The following P3H2 variants were observed in gnomAD, a reference collection of about 807,000 sequenced individuals.
The protein encoded by P3H2 is leprecan-like 1.
In P3H2, 80 loss-of-function variants were observed where a neutral mutation model predicts 87.0. The ratio of observed to expected loss-of-function variants is 0.92; its 90% confidence interval spans 0.77 to 1.11. The LOEUF is 1.11. Among genes scored for constraint, P3H2 ranks in the 50% least tolerant of loss-of-function variants. The pLI, the probability that P3H2 is intolerant of heterozygous loss-of-function variation, is 0.00. For missense variants in P3H2, 1,001 were observed against 923.9 expected (o/e 1.08, Z -1.08); for synonymous variants, 367 against 359.3 (o/e 1.02, Z -0.24).
intron 13 of P3H2, among the ~76,000 whole-genome samples, chr3:189,965,811 C>A (rs569854639): frequency 1.6e-4 from 25 of 151,950 alleles, no homozygotes; most frequent in Admixed American, 1.2e-3. Flanking sequence ...CATGGTGAAA[C>A]CCCGTCTCTA....
rs562015763 is a variant in P3H2 at position 190,120,582 on chromosome 3, G to A, written c.150C>T (p.Ser50=). The A allele has an allele frequency of 1.2e-4, 181 of 1,541,798 alleles. 4 individuals are homozygous for A. The South Asian group carries it at 2.1e-3, about 18-fold the overall frequency. The change falls in exon 1 of 15, where the codon AGC becomes AGT. Residue 50 remains serine (S), a synonymous_variant. Coordinates refer to ENST00000319332, the MANE Select transcript of P3H2 (RefSeq NM_018192.4). ...CTCCGCTGTAGTAGGCGGCCGCGCC[G>A]CTGGCGTAGAGCAGGTCGAAGGGCT... ...PLQPFDLLYA[S]GAAAYYSGDY... is the part of the protein sequence containing the mutation.
intron 1 of P3H2, among the ~76,000 whole-genome samples, chr3:190,021,073 A>G (rs1403553103): frequency 1.5e-5 from 2 of 134,880 alleles, no homozygotes; most frequent in Non-Finnish European, 3.3e-5. Flanking sequence ...ACACCAGGCT[A>G]GAGTCCTCTA....
intron 1 of P3H2, among the ~76,000 whole-genome samples, chr3:190,089,381 A>C (rs964770040): frequency 2.0e-5 from 3 of 152,248 alleles, no homozygotes; most frequent in Admixed American, 6.5e-5. Flanking sequence ...AAAAAGAGAA[A>C]GAAAATTCAT....
chr3:190,120,768 A>G lies in P3H2; in HGVS notation c.-37T>C, dbSNP rs1451385478. 4 of 1,512,430 alleles carry G rather than the reference A, an allele frequency of 2.6e-6. No homozygotes were observed. Among genetic ancestry groups the G allele is most frequent in the Admixed American group, 4.1e-5 (2 of 49,058 alleles). The allele number at this position is 1,512,430 out of a possible 1,614,324, so 93.7% of individuals were successfully genotyped here. A position where few individuals can be genotyped will look rare whatever the true frequency, so the allele number is the denominator to read the frequency against. On this transcript the variant is annotated 5_prime_UTR_variant, in exon 1 of 15. Transcript: ENST00000319332. ...GAGAGGCGCGGGACGGTTACGCTCG[A>G]GAGGGCTTCGGGGCACCTCGCGTCC...
chr3:189,972,925 A>T lies in P3H2; in HGVS notation c.1648T>A (p.Ser550Thr). 6.2e-7 allele frequency: 1 copy of T among 1,614,114 alleles called. No homozygotes were observed. Among genetic ancestry groups the T allele is most frequent in the South Asian group, 1.1e-5 (1 of 91,080 alleles). The stretch of plus-strand genomic sequence containing the variant: ...TGTGTATAGGAAAAATACAGAGTTG[A>T]GTTCAGCATAAAATAAGATTCTACA... ...RIVESYFMLN[S>T]TLYFSYTHMV... Residue 550 changes from serine to threonine, a missense_variant, in exon 11 of 15, where the codon TCA becomes ACA. Transcript: ENST00000319332.
intron 1 of P3H2, among the ~76,000 whole-genome samples, chr3:190,032,849 T>G: frequency 6.6e-6 from 1 of 151,632 alleles, no homozygotes; most frequent in African/African-American, 2.4e-5. Context: ...TGTGAGGAGG[T>G]AGGGTAGGGC....
intron 3 of P3H2, among the ~76,000 whole-genome samples, chr3:189,989,855 T>A (rs1021051061): frequency 1.3e-5 from 2 of 152,154 alleles, no homozygotes; most frequent in African/African-American, 4.8e-5. Flanking sequence ...CTCTATTTTA[T>A]CAAAGCCTGA....
At chr3:190,052,863 C>T (rs1003505863) in intron 1 of P3H2, among the ~76,000 whole-genome samples, 1 of 152,142 alleles carries the variant, frequency 6.6e-6, no homozygotes, top group African/African-American at 2.4e-5. Context: ...TGAATATATC[C>T]ACTCTCCCTA....
At chr3:190,080,400 CT>C (rs1354334691) in intron 1 of P3H2, among the ~76,000 whole-genome samples, 1 of 151,802 alleles carries the variant, frequency 6.6e-6, no homozygotes, top group African/African-American at 2.4e-5. Flanking sequence ...TTTTCTTTTT[CT>C]TTTCCTTTTT....
intron 1 of P3H2, among the ~76,000 whole-genome samples, chr3:190,024,548 A>G (rs1413903999): frequency 6.6e-6 from 1 of 151,064 alleles, no homozygotes; most frequent in Non-Finnish European, 1.5e-5. Flanking sequence ...AAAAAAAAAA[A>G]AAAAAGAAAG....
chr3:190,002,402 T>G (rs1248124010), intron 1 of P3H2, among the ~76,000 whole-genome samples: 1 of 150,846 alleles, frequency 6.6e-6, no homozygotes, highest in East Asian at 1.9e-4. Context: ...TTCTTTTTTC[T>G]TTTCTTTTTT....
intron 1 of P3H2, among the ~76,000 whole-genome samples, chr3:190,117,976 C>T (rs1259237489): frequency 1.3e-5 from 2 of 152,136 alleles, no homozygotes; most frequent in African/African-American, 4.8e-5. Flanking sequence ...CACACGAAGC[C>T]ACGGATCTTT....
chr3:190,017,271 TG>T (rs1724785916), intron 1 of P3H2, among the ~76,000 whole-genome samples: 1 of 152,124 alleles, frequency 6.6e-6, no homozygotes, highest in Non-Finnish European at 1.5e-5. Context: ...TAGCCATGAC[TG>T]GGGCAGTGAA....
rs1725668334 is a variant in P3H2, at chr3:190,042,471, C to T, written c.481-47029G>A. Among the ~76,000 whole-genome samples the T allele has an allele frequency of 2.6e-5, 4 of 151,814 alleles. No homozygotes were observed. In the South Asian group the frequency reaches 6.2e-4, roughly 24 times the overall value. ...GTGTGTGTGTGTATGTAGAATCTGG[C>T]CATCTATCTCACAGGCATATTGTGG... On this transcript the variant is annotated intron_variant, in intron 1 of 14. Transcript: ENST00000319332.
chr3:190,090,351 C>A (rs369970759), intron 1 of P3H2, among the ~76,000 whole-genome samples: 5 of 152,180 alleles, frequency 3.3e-5, no homozygotes, highest in East Asian at 3.9e-4. Flanking sequence ...GGTAAATAAA[C>A]ATTTTATGGA....
At chr3:190,038,887 T>C (rs900687630) in intron 1 of P3H2, among the ~76,000 whole-genome samples, 4 of 152,206 alleles carry the variant, frequency 2.6e-5, no homozygotes, top group Non-Finnish European at 5.9e-5. Flanking sequence ...TTTAACTCTA[T>C]GTTTAAGAAT....
intron 13 of P3H2, among the ~76,000 whole-genome samples, chr3:189,965,172 C>T (rs1008735178): frequency 1.1e-4 from 16 of 152,312 alleles, no homozygotes; most frequent in African/African-American, 3.4e-4. Context: ...TCTTTGGTTT[C>T]CTTCTGCATA....
rs142101935 is a variant in P3H2, at chr3:190,021,457, A to G, written c.481-26015T>C. Among the ~76,000 whole-genome samples, 415 of 135,190 alleles carry G rather than the reference A, an allele frequency of 3.1e-3. 42 individuals carry two copies. The highest frequency in any genetic ancestry group is 0.01 in the African/African-American group (403 of 39,262). 88.7% of individuals were successfully genotyped at this position (135,190 alleles called of 152,430 possible). A position where few individuals can be genotyped will look rare whatever the true frequency, so the allele number is the denominator to read the frequency against. ...TTCTGTAACAAATAGATTTTCAACA[A>G]TGTTATAATGCATAAATTCTAGCCA... On this transcript the variant is annotated intron_variant, in intron 1 of 14. Transcript: ENST00000319332.
At chr3:190,012,880 A>T (rs1043953949) in intron 1 of P3H2, among the ~76,000 whole-genome samples, 1 of 152,218 alleles carries the variant, frequency 6.6e-6, no homozygotes, top group Non-Finnish European at 1.5e-5. Context: ...ACTCATCTGT[A>T]TAAAAAACAG....
Sources: gnomAD v4.1 joint callset for allele counts (sites outside exome capture counted in the v4.1 genomes callset) on GRCh38, gnomAD v4.1.1 for gene constraint, MANE v1.5 for transcripts, NCBI Gene and HGNC (gene_info 2026-07-23, HGNC 2026-07-21) for gene names.